The following ZFHX3 variants were observed in gnomAD, a reference collection of about 807,000 sequenced individuals.
ZFHX3 encodes the protein zinc finger homeobox 3, also known as zinc finger homeobox protein 3.
Under a neutral mutation model 279.1 loss-of-function variants are expected in ZFHX3, and 42 were observed. That is an observed-to-expected ratio of 0.15 (90% CI 0.12 to 0.19). The LOEUF (loss-of-function observed/expected upper bound fraction) is 0.19. Among genes scored for constraint, ZFHX3 ranks in the 10% least tolerant of loss-of-function variants. The probability of loss-of-function intolerance (pLI) is 1.00; values close to 1 mark genes in which losing one functional copy is unlikely to be tolerated. For missense variants in ZFHX3, 4,981 were observed against 4,754.0 expected (o/e 1.05, Z -1.40); for synonymous variants, 2,293 against 1,957.8 (o/e 1.17, Z -4.52).
At chr16:73,464,453 G>GA (rs34147553) in intron 2 of ZFHX3, among the ~76,000 whole-genome samples, 9,669 of 131,410 alleles carry the variant, frequency 0.074, 356 homozygotes, top group East Asian at 0.19. Context: ...ATCAATTTAA[G>GA]AAAAAAAAAA....
At chr16:73,785,056 G>C (rs1289566708) in intron 1 of ZFHX3, among the ~76,000 whole-genome samples, 1 of 151,972 alleles carries the variant, frequency 6.6e-6, no homozygotes, top group Non-Finnish European at 1.5e-5. Flanking sequence ...TTCAAACTAT[G>C]GAAAACGAGG....
At chr16:73,350,386 G>A (rs927575617) in intron 3 of ZFHX3, among the ~76,000 whole-genome samples, 1 of 152,138 alleles carries the variant, frequency 6.6e-6, no homozygotes, top group Non-Finnish European at 1.5e-5. Context: ...TTTTATCACA[G>A]TGAAATCTTC....
intron 5 of ZFHX3, among the ~76,000 whole-genome samples, chr16:73,160,276 A>T (rs1429506210): frequency 2.0e-5 from 3 of 152,176 alleles, no homozygotes; most frequent in Admixed American, 6.5e-5. Flanking sequence ...CCCTGAAAAG[A>T]CCAACAATGA....
chr16:73,659,911 T>A (rs575067426), intron 2 of ZFHX3, among the ~76,000 whole-genome samples: 49 of 152,196 alleles, frequency 3.2e-4, no homozygotes, highest in African/African-American at 1.2e-3. Context: ...TGAAAAAAAA[T>A]TTTAGATTGA....
At chr16:73,003,317 GA>G (rs34728114) in intron 1 of ZFHX3, among the ~76,000 whole-genome samples, 1,471 of 131,976 alleles carry the variant, frequency 0.011, 34 homozygotes, top group East Asian at 0.11. Context: ...TAATTAAAGG[GA>G]AAAAAAAAAA....
intron 2 of ZFHX3, among the ~76,000 whole-genome samples, chr16:73,555,669 A>G (rs964848456): frequency 6.6e-6 from 1 of 151,830 alleles, no homozygotes; most frequent in East Asian, 2.0e-4. Flanking sequence ...CATCTCTACT[A>G]AAAATATAAA....
At chr16:72,836,040 T>A (rs1004759915) in intron 4 of ZFHX3, among the ~76,000 whole-genome samples, 1 of 152,206 alleles carries the variant, frequency 6.6e-6, no homozygotes, top group Admixed American at 6.5e-5. Flanking sequence ...TCTGCTACAA[T>A]AGAAACTTTT....
chr16:73,178,281 G>C (rs759221081), intron 5 of ZFHX3, among the ~76,000 whole-genome samples: 254 of 151,142 alleles, frequency 1.7e-3, no homozygotes, highest in Middle Eastern at 3.5e-3. Flanking sequence ...AGGATTACAG[G>C]CACCCGCCAC....
intron 3 of ZFHX3, among the ~76,000 whole-genome samples, chr16:73,415,773 C>CT (rs2017559851): frequency 6.6e-6 from 1 of 152,112 alleles, no homozygotes; most frequent in Non-Finnish European, 1.5e-5. Flanking sequence ...AGCTGCCTGT[C>CT]ATAGGATCAC....
chr16:73,884,483 CAAAA>C (rs1358552827), intron 1 of ZFHX3, among the ~76,000 whole-genome samples: 2 of 152,154 alleles, frequency 1.3e-5, no homozygotes, highest in Non-Finnish European at 2.9e-5. Flanking sequence ...GAGCTGTTAA[CAAAA>C]GAAACATGGA....
At chr16:73,872,683 C>A (rs2142402140) in intron 1 of ZFHX3, among the ~76,000 whole-genome samples, 1 of 141,092 alleles carries the variant, frequency 7.1e-6, no homozygotes, top group East Asian at 2.2e-4. Context: ...GTGGGGCTTC[C>A]ATAAACAAGG....
chr16:73,082,127 G>A (rs1460321908), intron 8 of ZFHX3, among the ~76,000 whole-genome samples: 7 of 151,990 alleles, frequency 4.6e-5, no homozygotes, highest in Admixed American at 2.6e-4. Context: ...GTGAGCCACC[G>A]CATCCAGCCC....
intron 5 of ZFHX3, among the ~76,000 whole-genome samples, chr16:73,254,897 T>C (rs1490945953): frequency 1.3e-5 from 2 of 148,766 alleles, no homozygotes; most frequent in South Asian, 2.1e-4. Context: ...CCTGTTTATC[T>C]ATCCATCCAT....
chr16:73,020,371 G>C (rs1964257236), intron 1 of ZFHX3, among the ~76,000 whole-genome samples: 1 of 150,556 alleles, frequency 6.6e-6, no homozygotes, highest in Non-Finnish European at 1.5e-5. Context: ...AAAAAGTAAA[G>C]ACATACTTCT....
chr16:73,703,170 T>C, intron 1 of ZFHX3, among the ~76,000 whole-genome samples: 1 of 152,138 alleles, frequency 6.6e-6, no homozygotes, highest in Non-Finnish European at 1.5e-5. Flanking sequence ...GCCTCTTTTG[T>C]TTTGCTTTGT....
At chr16:73,345,798 G>A (rs577304642) in intron 3 of ZFHX3, among the ~76,000 whole-genome samples, 90 of 152,162 alleles carry the variant, frequency 5.9e-4, no homozygotes, top group African/African-American at 2.0e-3. Context: ...TCAATATGAC[G>A]TTGATCTGTG....
chr16:72,960,158 G>C lies in ZFHX3; in HGVS notation c.-13C>G. ...CACAGCCTTCCATGGTAAGGCCTGC[G>C]TGGAGCTTTCATTGCACCCAGTACG... On this transcript the variant is annotated 5_prime_UTR_variant, in exon 2 of 10. Coordinates refer to ENST00000268489, the MANE Select transcript of ZFHX3 (RefSeq NM_006885.4). 6.5e-7 allele frequency: 1 copy of C among 1,549,894 alleles called. No individual in the cohort carries two copies. Among genetic ancestry groups the C allele is most frequent in the Non-Finnish European group, 8.7e-7 (1 of 1,146,244 alleles).
At chr16:73,678,334 T>C (rs2052975574) in intron 2 of ZFHX3, among the ~76,000 whole-genome samples, 1 of 152,076 alleles carries the variant, frequency 6.6e-6, no homozygotes, top group African/African-American at 2.4e-5. Flanking sequence ...AAGAAGTGCA[T>C]CGGATAATTT....
At chr16:72,986,239 A>C (rs1405963262) in intron 1 of ZFHX3, among the ~76,000 whole-genome samples, 1 of 152,146 alleles carries the variant, frequency 6.6e-6, no homozygotes, top group Non-Finnish European at 1.5e-5. Context: ...GGAGGACGGA[A>C]GCACAGCCGA....
Sources: gnomAD v4.1 joint callset for allele counts (sites outside exome capture counted in the v4.1 genomes callset) on GRCh38, gnomAD v4.1.1 for gene constraint, MANE v1.5 for transcripts, NCBI Gene and HGNC (gene_info 2026-07-23, HGNC 2026-07-21) for gene names.